The following DST variants were observed in gnomAD, a reference collection of about 807,000 sequenced individuals.
The protein encoded by DST is dystonin.
Under a neutral mutation model 875.2 loss-of-function variants are expected in DST, and 253 were observed. The ratio of observed to expected loss-of-function variants is 0.29; its 90% CI spans 0.26 to 0.32. DST has a LOEUF of 0.32. DST is among the 10% of genes least tolerant of loss of function. The probability of loss-of-function intolerance (pLI) is 1.00; values close to 1 mark genes in which losing one functional copy is unlikely to be tolerated. For synonymous variants in DST, 3,124 were observed against 3,197.1 expected (o/e 0.98, Z 0.77); for missense variants, 8,287 against 9,111.6 (o/e 0.91, Z 3.68).
chr6:56,593,948 C>G lies in DST; in HGVS notation c.12441G>C (p.Glu4147Asp), dbSNP rs999481222. The change falls in exon 48 of 104, where the codon GAG (glutamate) becomes GAC (aspartate). Residue 4147 changes from glutamate (E) to aspartate (D), a missense_variant. Transcript: ENST00000680361. Reference sequence around the variant, plus strand: ...CTTGTTCTGACTGCTGTAGCCAGTGCTCAAACTCGGTATAGTCAGCATCAA... The same window carrying G: ...CTTGTTCTGACTGCTGTAGCCAGTGGTCAAACTCGGTATAGTCAGCATCAA... ...EKFDADYTEF[E>D]HWLQQSEQEL... is the part of the protein sequence containing the mutation. 9 of 1,613,736 alleles carry G rather than the reference C, an allele frequency of 5.6e-6. No individual in the cohort carries two copies. In the African/African-American group the frequency reaches 1.2e-4, roughly 22 times the overall value.
chr6:56,612,232 A>T (rs2098551617), intron 37 of DST, among the ~76,000 whole-genome samples: 1 of 152,098 alleles, frequency 6.6e-6, no homozygotes, highest in Non-Finnish European at 1.5e-5. Context: ...GTATCCAAGT[A>T]TTGGTGGCTC....
At chr6:56,727,327 C>T (rs746901805) in intron 5 of DST, among the ~76,000 whole-genome samples, 4 of 152,144 alleles carry the variant, frequency 2.6e-5, no homozygotes, top group Non-Finnish European at 4.4e-5. Context: ...GCCCGGACCA[C>T]GTTGGGCACA....
chr6:56,713,834 C>T (rs974228371), intron 5 of DST, among the ~76,000 whole-genome samples: 3 of 152,068 alleles, frequency 2.0e-5, no homozygotes, highest in Non-Finnish European at 4.4e-5. Context: ...AAGGCTTTGA[C>T]GATACTCTGA....
At chr6:56,923,434 G>T (rs549680239) in intron 2 of DST, among the ~76,000 whole-genome samples, 1 of 137,916 alleles carries the variant, frequency 7.3e-6, no homozygotes, top group African/African-American at 2.7e-5. Flanking sequence ...TAGATGGAGA[G>T]AGTGGATGCT....
At chr6:56,669,831 T>C (rs1481410561) in intron 10 of DST, among the ~76,000 whole-genome samples, 2 of 152,102 alleles carry the variant, frequency 1.3e-5, no homozygotes, top group East Asian at 1.9e-4. Context: ...AATTAATATA[T>C]GTAAACTGCT....
At chr6:56,729,607 CAAA>C (rs569525896) in intron 5 of DST, among the ~76,000 whole-genome samples, 4 of 63,732 alleles carry the variant, frequency 6.3e-5, no homozygotes, top group Non-Finnish European at 6.9e-5. Context: ...AACTCCATCT[CAAA>C]AAAAAAAAAA....
intron 5 of DST, among the ~76,000 whole-genome samples, chr6:56,713,334 C>T (rs2099384485): frequency 6.6e-6 from 1 of 152,174 alleles, no homozygotes; most frequent in South Asian, 2.1e-4. Context: ...TACTTCTGAG[C>T]TGAATCATCT....
rs144051664 is a variant in DST, at chr6:56,673,711, G to A, written c.1048-2904C>T. Among the ~76,000 whole-genome samples the A allele has an allele frequency of 1.1e-4, 16 of 152,268 alleles. No homozygotes were observed. In the East Asian group the frequency reaches 1.9e-3, roughly 18 times the overall value. On this transcript the variant is annotated intron_variant, in intron 9 of 103. Transcript: ENST00000680361. ...ATACATACACACACTATTAAAAAGC[G>A]ATAATTTTAAAATGCATATTCCAAG...
chr6:56,495,972 TACA>T (rs369118219), intron 82 of DST, among the ~76,000 whole-genome samples: 22 of 152,256 alleles, frequency 1.4e-4, no homozygotes, highest in African/African-American at 2.6e-4. Flanking sequence ...ATTAAGATCT[TACA>T]ACAACATTAT....
chr6:56,807,514 G>C (rs73457715), intron 4 of DST, among the ~76,000 whole-genome samples: 1,793 of 152,238 alleles, frequency 0.012, 38 homozygotes, highest in African/African-American at 0.04. Context: ...TCATCATCAA[G>C]ATGGTGTGGT....
chr6:56,619,752 C>A lies in DST; in HGVS notation c.4929+4778G>T, dbSNP rs1164279142. 2 of 1,614,172 alleles carry A rather than the reference C, an allele frequency of 1.2e-6. No individual in the cohort carries two copies. Among genetic ancestry groups the A allele is most frequent in the East Asian group, 4.5e-5 (2 of 44,890 alleles). On this transcript the variant is annotated intron_variant, in intron 36 of 103. Coordinates refer to ENST00000680361, the MANE Select transcript of DST (RefSeq NM_001374736.1). ...TGAGAATACCCTTTCTCCGCCTGAT[C>A]CTTCCTTTCCAGCTCCAACTTAAGG...
In DST at chr6:56,546,002, G is replaced by A. The variant is rs117443108; in HGVS notation, c.16608+6182C>T. Among the ~76,000 whole-genome samples the A allele has an allele frequency of 3.9e-5, 6 of 152,062 alleles. No homozygotes were observed. In the East Asian group the frequency reaches 9.7e-4, roughly 24 times the overall value. On this transcript the variant is annotated intron_variant, in intron 61 of 103. Transcript: ENST00000680361. ...AATTTATTCACATAAATGGCTAAAC[G>A]TTTCCAAAGATATGAATATGCATCA...
Position 56,511,673 on chromosome 6 carries a change from T to A in DST, c.18577-273A>T, listed in dbSNP as rs372425301. On this transcript the variant is annotated intron_variant, in intron 72 of 103. Coordinates refer to ENST00000680361, the MANE Select transcript of DST (RefSeq NM_001374736.1). ...GAATCCCAGTTTATTATGCATCTCA[T>A]ACCAAGAGTAGCACATTTTGACAAG... Among the ~76,000 whole-genome samples, 27 of 152,310 alleles carry A rather than the reference T, an allele frequency of 1.8e-4. 2 individuals carry two copies. Among genetic ancestry groups the A allele is most frequent in the African/African-American group, 5.3e-4 (22 of 41,560 alleles).
intron 49 of DST, among the ~76,000 whole-genome samples, chr6:56,586,078 T>G (rs977969943): frequency 2.0e-5 from 3 of 152,206 alleles, no homozygotes; most frequent in Admixed American, 6.5e-5. Context: ...TTCTGTTGAT[T>G]TGGGGTGGAG....
intron 50 of DST, among the ~76,000 whole-genome samples, chr6:56,577,615 A>G (rs1452005919): frequency 5.9e-5 from 9 of 152,322 alleles, no homozygotes. Flanking sequence ...TGATCTTAAA[A>G]GAGCTAAGTT....
At chr6:56,947,353 C>T (rs897016218) in intron 2 of DST, among the ~76,000 whole-genome samples, 2 of 150,224 alleles carry the variant, frequency 1.3e-5, no homozygotes, top group Admixed American at 6.7e-5. Flanking sequence ...CAGGTTCAAA[C>T]GATTCTTCTG....
chr6:56,906,432 C>T (rs1796446299), intron 2 of DST, among the ~76,000 whole-genome samples: 1 of 152,160 alleles, frequency 6.6e-6, no homozygotes, highest in East Asian at 1.9e-4. Context: ...TGGGACTAGA[C>T]GTGTTCAAAA....
At chr6:56,812,109 A>AAAAAAAAAAGAAAAGAAAAG (rs1554158454) in intron 4 of DST, among the ~76,000 whole-genome samples, 7 of 111,798 alleles carry the variant, frequency 6.3e-5, no homozygotes, top group African/African-American at 2.0e-4. Context: ...CTCAAAAAAA[A>AAAAAAAAAAGAAAAGAAAAG]AAAAGAAAAG....
At chr6:56,538,977 C>T (rs896090740) in intron 61 of DST, among the ~76,000 whole-genome samples, 1 of 151,640 alleles carries the variant, frequency 6.6e-6, no homozygotes, top group Non-Finnish European at 1.5e-5. Context: ...ACTTCCAGGA[C>T]TAATAGCTTT....
Sources: allele counts gnomAD v4.1 joint callset (sites outside exome capture counted in the v4.1 genomes callset), GRCh38; gene constraint gnomAD v4.1.1; transcripts MANE v1.5; gene names NCBI Gene and HGNC (gene_info 2026-07-23, HGNC 2026-07-21).